GOLGA1: variants seen among roughly 807,000 people sequenced by gnomAD.
GOLGA1 encodes the protein golgin subfamily A member 1.
GOLGA1 carries 63 observed loss-of-function variants against 119.7 expected under a neutral mutation model. The ratio of observed to expected loss-of-function variants is 0.53; its 90% CI spans 0.43 to 0.65. The LOEUF (loss-of-function observed/expected upper bound fraction) is 0.65, where lower values mean the gene tolerates loss of function less well. Among genes scored for constraint, GOLGA1 ranks in the 30% least tolerant of loss-of-function variants. GOLGA1 has a pLI of 0.00. For missense variants in GOLGA1, 798 were observed against 912.8 expected (o/e 0.87, Z 1.62); for synonymous variants, 318 against 333.4 (o/e 0.95, Z 0.50).
At chr9:124,889,825 T>C (rs1352549829) in intron 16 of GOLGA1, among the ~76,000 whole-genome samples, 1 of 152,222 alleles carries the variant, frequency 6.6e-6, no homozygotes, top group African/African-American at 2.4e-5. Context: ...AACTTCCATT[T>C]CCTGAGTGCC....
At position 124,892,932 on chromosome 9, in the gene GOLGA1, CA is replaced by C. The variant is rs11464433; in HGVS notation, c.1408-2455del. 4.6e-3 allele frequency among the ~76,000 whole-genome samples: 526 copies of C among 114,562 alleles called. 1 individual carries two copies. Among genetic ancestry groups the C allele is most frequent in the African/African-American group, 0.01 (296 of 28,472 alleles). The allele number at this position is 114,562 out of a possible 152,430, so 75.2% of individuals were successfully genotyped here. ...GGGCAACAGGAGAGAAATTCCATCT[CA>C]AAAAAAAAAAAAAAGAAAGTGTATT... On this transcript the variant is annotated intron_variant, in intron 15 of 22. Coordinates refer to ENST00000373555, the MANE Select transcript of GOLGA1 (RefSeq NM_002077.4).
intron 15 of GOLGA1, among the ~76,000 whole-genome samples, chr9:124,897,719 GA>G (rs1004930252): frequency 2.0e-5 from 3 of 150,370 alleles, no homozygotes; most frequent in African/African-American, 7.4e-5. Flanking sequence ...AGGAATGCAT[GA>G]AAAAAAAATC....
intron 20 of GOLGA1, among the ~76,000 whole-genome samples, 165 bp from the exon 21 acceptor site, chr9:124,882,119 G>A (rs370616926): frequency 1.8e-4 from 28 of 152,322 alleles, no homozygotes; most frequent in Non-Finnish European, 3.7e-4. Context: ...GAGTGACATC[G>A]TTTGGGTAAA....
At chr9:124,931,118 A>G (rs1028784093) in intron 4 of GOLGA1, among the ~76,000 whole-genome samples, 198 bp downstream of exon 4, 2 of 152,202 alleles carry the variant, frequency 1.3e-5, no homozygotes, top group Non-Finnish European at 2.9e-5. Flanking sequence ...AAATTTTTTA[A>G]TAAACTTTCA....
At chr9:124,913,784 A>G (rs1277405215) in intron 10 of GOLGA1, among the ~76,000 whole-genome samples, 3 of 152,220 alleles carry the variant, frequency 2.0e-5, no homozygotes, top group Admixed American at 1.3e-4. Flanking sequence ...CAACAGAGGG[A>G]CACACACCGT....
intron 10 of GOLGA1, among the ~76,000 whole-genome samples, chr9:124,917,681 T>G (rs1480306408): frequency 2.0e-5 from 3 of 152,180 alleles, no homozygotes; most frequent in Non-Finnish European, 4.4e-5. Flanking sequence ...GTCACTGGCT[T>G]TCTTCTAGTT....
intron 10 of GOLGA1, among the ~76,000 whole-genome samples, chr9:124,917,947 G>C (rs1350298184): frequency 6.6e-6 from 1 of 151,982 alleles, no homozygotes; most frequent in Non-Finnish European, 1.5e-5. Context: ...CCACCTCCTG[G>C]GTTCAAGCGA....
At position 124,911,921 on chromosome 9, in the gene GOLGA1, A is replaced by C. The variant is rs583134; in HGVS notation, c.949T>G (p.Leu317Val). Residue 317 changes from leucine (L) to valine (V), a missense_variant, in exon 11 of 23, where the codon TTG (leucine) becomes GTG (valine). Leu to Val is a conservative substitution (Grantham distance 32). Transcript: ENST00000373555. ...GTTACCTCTTTCAGGAGTTCTTGCA[A>C]GTGTTCTTCTCCTGATAAGTTCTGT... ...LEQNLSGEEH[L>V]QELLKEKTLA... is the part of the protein sequence containing the mutation. 1 allele frequency: 1,607,288 copies of C among 1,612,568 alleles called. 801,143 individuals are homozygous for C. The highest frequency in any genetic ancestry group is 1 in the East Asian group (44,861 of 44,862).
At chr9:124,891,817 G>T (rs1039417763) in intron 15 of GOLGA1, among the ~76,000 whole-genome samples, 4 of 151,808 alleles carry the variant, frequency 2.6e-5, no homozygotes, top group Non-Finnish European at 5.9e-5. Flanking sequence ...GCTAATTTTT[G>T]TATTTTTAGT....
chr9:124,911,923 T>C lies in GOLGA1; in HGVS notation c.947A>G (p.His316Arg). Residue 316 changes from histidine to arginine, a missense_variant, in exon 11 of 23, where the codon CAC becomes CGC. Coordinates refer to ENST00000373555, the MANE Select transcript of GOLGA1 (RefSeq NM_002077.4). Reference sequence around the variant, plus strand: ...TACCTCTTTCAGGAGTTCTTGCAAGTGTTCTTCTCCTGATAAGTTCTGTTC... The same window carrying C: ...TACCTCTTTCAGGAGTTCTTGCAAGCGTTCTTCTCCTGATAAGTTCTGTTC... ...RLEQNLSGEEHLQELLKEKTL... is the reference protein window; with the variant it reads ...RLEQNLSGEERLQELLKEKTL... 11 of 1,611,150 alleles carry C rather than the reference T, an allele frequency of 6.8e-6. No homozygotes were observed. The highest frequency in any genetic ancestry group is 9.3e-6 in the Non-Finnish European group (11 of 1,177,294).
intron 14 of GOLGA1, 86 bp downstream of exon 14, chr9:124,899,243 G>T: frequency 1.6e-6 from 2 of 1,264,586 alleles, no homozygotes; most frequent in Non-Finnish European, 2.2e-6. Context: ...GTGCAGAGGT[G>T]GTGACACACT....
At chr9:124,901,070 C>A (rs2131413550) in intron 12 of GOLGA1, among the ~76,000 whole-genome samples, 1 of 149,630 alleles carries the variant, frequency 6.7e-6, no homozygotes, top group Admixed American at 6.7e-5. Context: ...CTCCTGGGTT[C>A]ACGTCATTCT....
At chr9:124,902,767 G>A (rs1041713696) in intron 12 of GOLGA1, among the ~76,000 whole-genome samples, 7 of 152,212 alleles carry the variant, frequency 4.6e-5, no homozygotes, top group African/African-American at 7.2e-5. Context: ...GGGATTACAG[G>A]CATGAGCCAC....
chr9:124,883,696 C>G (rs1262515134), intron 19 of GOLGA1, among the ~76,000 whole-genome samples: 1 of 151,922 alleles, frequency 6.6e-6, no homozygotes, highest in East Asian at 1.9e-4. Flanking sequence ...GGTCCACCCA[C>G]CTTGGCCTCC....
chr9:124,895,181 C>T (rs1216762897), intron 15 of GOLGA1, among the ~76,000 whole-genome samples: 3 of 142,950 alleles, frequency 2.1e-5, no homozygotes, highest in Non-Finnish European at 3.0e-5. Flanking sequence ...ACAACAGAGA[C>T]CCTCCATAAC....
chr9:124,925,988 T>A (rs1396435255), intron 7 of GOLGA1, among the ~76,000 whole-genome samples: 1 of 152,174 alleles, frequency 6.6e-6, no homozygotes, highest in African/African-American at 2.4e-5. Context: ...CTCATATATG[T>A]TCAATGCTGA....
rs968350123 is a variant in GOLGA1, at chr9:124,881,063, G to C, written c.2223+108C>G. 2.7e-6 allele frequency: 2 copies of C among 738,652 alleles called. No individual in the cohort carries two copies. The highest frequency in any genetic ancestry group is 3.8e-5 in the Admixed American group (2 of 52,016). The allele number at this position is 738,652 out of a possible 1,614,324, so 45.8% of individuals were successfully genotyped here. A position where few individuals can be genotyped will look rare whatever the true frequency, so the allele number is the denominator to read the frequency against. ...AAGCAGCCAAGCTGATCATGCAGCT[G>C]TGCTGGTGCCTACACTCGGGTGTGG... On this transcript the variant is annotated intron_variant, in intron 22 of 22. Coordinates refer to ENST00000373555, the MANE Select transcript of GOLGA1 (RefSeq NM_002077.4). The surrounding 1 kb of genome is among the most constrained non-coding windows in gnomAD (Gnocchi z 4.9).
chr9:124,888,163 C>T lies in GOLGA1; in HGVS notation c.1905+90G>A, dbSNP rs545626969. The T allele has an allele frequency of 4.6e-6, 6 of 1,317,336 alleles. No homozygotes were observed. Among genetic ancestry groups the T allele is most frequent in the African/African-American group, 2.9e-5 (2 of 69,138 alleles). 81.6% of individuals were successfully genotyped at this position (1,317,336 alleles called of 1,614,324 possible). On this transcript the variant is annotated intron_variant, in intron 19 of 22. Transcript: ENST00000373555. The surrounding 1 kb of genome is among the most constrained non-coding windows in gnomAD (Gnocchi z 4.4). ...TTGCCAGGAGGTGCGGGGGAAACCA[C>T]AAAAACCTCCAAGGATGGACTGGGT...
At chr9:124,895,382 C>T (rs1199291569) in intron 15 of GOLGA1, among the ~76,000 whole-genome samples, 2 of 146,138 alleles carry the variant, frequency 1.4e-5, no homozygotes, top group Non-Finnish European at 3.0e-5. Context: ...AACAGAGAAC[C>T]CTCCACAACA....
Sources: allele counts gnomAD v4.1 joint callset (sites outside exome capture counted in the v4.1 genomes callset), GRCh38; gene constraint gnomAD v4.1.1; non-coding constraint Gnocchi (gnomAD v3.1); transcripts MANE v1.5; gene names NCBI Gene and HGNC (gene_info 2026-07-23, HGNC 2026-07-21).